Variants in CELF1 observed in about 807,000 individuals in gnomAD.
CELF1 encodes 50 kDa nuclear polyadenylated RNA-binding protein.
A neutral mutation model predicts 61.8 loss-of-function variants in CELF1; 10 were observed. The observed-to-expected ratio is 0.16, with a 90% CI of 0.10 to 0.27. The LOEUF (loss-of-function observed/expected upper bound fraction) is 0.27, where lower values mean the gene tolerates loss of function less well. CELF1 is among the 10% of genes least tolerant of loss of function. The pLI, the probability that CELF1 is intolerant of heterozygous loss-of-function variation, is 1.00. For missense variants in CELF1, 380 were observed against 639.1 expected, an observed-to-expected ratio of 0.59 and a Z score of 4.37; for synonymous variants, 236 against 225.1, an observed-to-expected ratio of 1.05 and a Z score of -0.43.
At chr11:47,547,796 T>A (rs1462827960) in intron 1 of CELF1, among the ~76,000 whole-genome samples, 1 of 152,024 alleles carries the variant, frequency 6.6e-6, no homozygotes, top group Non-Finnish European at 1.5e-5. Flanking sequence ...ATTACATGAT[T>A]CCAGTTACAT....
At chr11:47,535,717 A>G (rs540730435) in intron 1 of CELF1, among the ~76,000 whole-genome samples, 1 of 150,530 alleles carries the variant, frequency 6.6e-6, no homozygotes, top group South Asian at 2.1e-4. Context: ...TTGTTTTGCT[A>G]TATTTACTCA....
rs1015251635 is a variant in CELF1 at position 47,472,942 on chromosome 11, G to A, written c.1417+146C>T. On this transcript the variant is annotated intron_variant, in intron 14 of 14. Transcript: ENST00000687097. ...CTCCACTACAGCAATGAGAAACTGGGGCTCAAAAAGAGGTCATAATGACCT... is the reference window on the plus strand; with the variant it reads ...CTCCACTACAGCAATGAGAAACTGGAGCTCAAAAAGAGGTCATAATGACCT... 7 of 744,910 alleles carry A rather than the reference G, an allele frequency of 9.4e-6. No homozygotes were observed. The African/African-American group carries it at 1.2e-4, about 13-fold the overall frequency. 46.1% of individuals were successfully genotyped at this position (744,910 alleles called of 1,614,324 possible).
chr11:47,560,889 A>T (rs1251125686), intron 2 of CELF1, among the ~76,000 whole-genome samples: 1 of 152,238 alleles, frequency 6.6e-6, no homozygotes, highest in East Asian at 1.9e-4. Flanking sequence ...CTGTAAGCCC[A>T]GCACTTTGGG....
intron 1 of CELF1, among the ~76,000 whole-genome samples, chr11:47,502,699 G>C (rs1160368644): frequency 2.0e-5 from 3 of 152,158 alleles, no homozygotes; most frequent in Non-Finnish European, 2.9e-5. Flanking sequence ...GGGCGTGGTG[G>C]CACATGCCTG....
chr11:47,488,302 G>A (rs2088975039), intron 4 of CELF1, among the ~76,000 whole-genome samples: 1 of 152,156 alleles, frequency 6.6e-6, no homozygotes, highest in Admixed American at 6.5e-5. Flanking sequence ...TTCCTCTCCT[G>A]TTCACTTTGT....
At chr11:47,517,801 T>G (rs200866389) in intron 1 of CELF1, among the ~76,000 whole-genome samples, 1 of 152,122 alleles carries the variant, frequency 6.6e-6, no homozygotes, top group East Asian at 1.9e-4. Context: ...TACAGGCACC[T>G]GCCACCAAAC....
At chr11:47,505,643 CA>C (rs112777088) in intron 1 of CELF1, among the ~76,000 whole-genome samples, 56,697 of 123,386 alleles carry the variant, frequency 0.46, 12,156 homozygotes, top group East Asian at 0.6. Flanking sequence ...ACTCTGTCTC[CA>C]AAAAAAAAAA....
chr11:47,509,420 G>A (rs141770846), intron 1 of CELF1, among the ~76,000 whole-genome samples: 27 of 152,172 alleles, frequency 1.8e-4, no homozygotes, highest in African/African-American at 5.3e-4. Context: ...TGGGTGTGAC[G>A]GTATACACCT....
chr11:47,486,674 C>T (rs2087454966), intron 6 of CELF1, 76 bp downstream of exon 6: 1 of 1,200,318 alleles, frequency 8.3e-7, no homozygotes, highest in Non-Finnish European at 1.2e-6. Context: ...TCCCAAAGTG[C>T]TGGGATTACA....
chr11:47,549,233 A>G (rs1012276700), intron 1 of CELF1, among the ~76,000 whole-genome samples: 1 of 152,234 alleles, frequency 6.6e-6, no homozygotes, highest in East Asian at 1.9e-4. Context: ...AAATAAAAAA[A>G]CACTATTCCA....
In CELF1 at chr11:47,494,440, C is replaced by T. The variant is rs921206391; in HGVS notation, c.71+5013G>A. The T allele has an allele frequency of 7.2e-5, 71 of 982,554 alleles. No homozygotes were observed. The African/African-American group carries it at 8.9e-4, about 12-fold the overall frequency. The allele number at this position is 982,554 out of a possible 1,614,324, so 60.9% of individuals were successfully genotyped here. The stretch of plus-strand genomic sequence containing the variant: ...TCGTCTACCTTGATTTCTGCTGAAA[C>T]ATACTATGAGAAAATACAATAGGGA... On this transcript the variant is annotated intron_variant, in intron 3 of 14. Coordinates refer to ENST00000687097, the MANE Select transcript of CELF1 (RefSeq NM_001376376.1).
In CELF1 at chr11:47,482,740, C is replaced by G; in HGVS notation, c.723G>C (p.Trp241Cys). The change falls in exon 9 of 15, where the codon TGG becomes TGC. Residue 241 changes from tryptophan to cysteine, a missense_variant. By Grantham distance (215) the Trp-to-Cys change is radical. Coordinates refer to ENST00000687097, the MANE Select transcript of CELF1 (RefSeq NM_001376376.1). ...GAGTATTTAGACCAGCAAGGTTTCC[C>G]CACACAGATGCTGCGCTGATTTGCT... Reference protein sequence around the residue: ...QMQQISAASVWGNLAGLNTLG... With the variant: ...QMQQISAASVCGNLAGLNTLG... The G allele has an allele frequency of 6.2e-7, 1 of 1,614,106 alleles. No homozygotes were observed. The highest frequency in any genetic ancestry group is 8.5e-7 in the Non-Finnish European group (1 of 1,180,020).
chr11:47,517,681 A>G (rs1411159553), intron 1 of CELF1, among the ~76,000 whole-genome samples: 1 of 151,490 alleles, frequency 6.6e-6, no homozygotes, highest in Non-Finnish European at 1.5e-5. Context: ...AGACGAAGTT[A>G]TGCTCTTGTT....
chr11:47,487,210 T>C lies in CELF1; in HGVS notation c.291A>G (p.Lys97=). ...GAGCATTCTGAGCTTCTAATGCAGC[T>C]TTACGGGTGTAAAATGTAACAAAAC... is the stretch of plus-strand genomic sequence containing the variant. ...GCCFVTFYTR[K]AALEAQNALH... The change falls in exon 5 of 15, where the codon AAA becomes AAG. Residue 97 remains lysine (K), a synonymous_variant. Coordinates refer to ENST00000687097, the MANE Select transcript of CELF1 (RefSeq NM_001376376.1). 6.2e-7 allele frequency: 1 copy of C among 1,612,694 alleles called. No homozygotes were observed. Among genetic ancestry groups the C allele is most frequent in the South Asian group, 1.1e-5 (1 of 91,078 alleles).
intron 6 of CELF1, 53 bp downstream of exon 6, chr11:47,486,697 C>G: frequency 6.9e-7 from 1 of 1,447,682 alleles, no homozygotes; most frequent in Admixed American, 1.7e-5. Flanking sequence ...TGTGAGCCAC[C>G]GTGCCTGGCC....
At chr11:47,505,022 A>G (rs1446116225) in intron 1 of CELF1, among the ~76,000 whole-genome samples, 1 of 151,364 alleles carries the variant, frequency 6.6e-6, no homozygotes, top group East Asian at 1.9e-4. Flanking sequence ...CATACAGTAT[A>G]CTGAAAGGAT....
chr11:47,498,305 G>A (rs544336115), intron 3 of CELF1, among the ~76,000 whole-genome samples: 3 of 152,164 alleles, frequency 2.0e-5, no homozygotes, highest in East Asian at 1.9e-4. Context: ...CTTGGGAAGC[G>A]GAGGCGAGAG....
chr11:47,544,344 C>A (rs2096879902), intron 1 of CELF1, among the ~76,000 whole-genome samples: 1 of 152,196 alleles, frequency 6.6e-6, no homozygotes. Flanking sequence ...GTATCAGGCA[C>A]TGTTCAGTGC....
chr11:47,562,398 A>G (rs1489283716), intron 2 of CELF1, among the ~76,000 whole-genome samples: 1 of 151,008 alleles, frequency 6.6e-6, no homozygotes, highest in East Asian at 2.0e-4. Flanking sequence ...GTGTGGTGGT[A>G]CGCACCTGTG....
Sources: gnomAD v4.1 joint callset for allele counts (sites outside exome capture counted in the v4.1 genomes callset) on GRCh38, gnomAD v4.1.1 for gene constraint, MANE v1.5 for transcripts, NCBI Gene and HGNC (gene_info 2026-07-23, HGNC 2026-07-21) for gene names.